IGFL2: variants seen among roughly 807,000 people sequenced by gnomAD.
The protein encoded by IGFL2 is IGF like family member 2.
In IGFL2, 7 loss-of-function variants were observed where a neutral mutation model predicts 13.9. That is an observed-to-expected ratio of 0.51 (90% CI 0.29 to 0.95). The LOEUF is 0.95. IGFL2 is among the 40% of genes least tolerant of loss of function. IGFL2 has a pLI of 0.08. For missense variants in IGFL2, 138 were observed against 147.8 expected (o/e 0.93, Z 0.34); for synonymous variants, 55 against 55.8 (o/e 0.99, Z 0.07).
the IGFL2 span, among the ~76,000 whole-genome samples, chr19:46,200,433 C>A: frequency 6.6e-6 from 1 of 151,516 alleles, no homozygotes. Flanking sequence ...GTTGGCCTGT[C>A]AAAGTGCTGG....
the IGFL2 span, among the ~76,000 whole-genome samples, chr19:46,201,889 C>T: frequency 2.1e-5 from 3 of 142,682 alleles, no homozygotes; most frequent in Non-Finnish European, 4.8e-5. Context: ...GCTCCAGCCA[C>T]CTCTCTAAGA....
the IGFL2 span, among the ~76,000 whole-genome samples, chr19:46,129,005 G>A: frequency 6.6e-6 from 1 of 152,094 alleles, no homozygotes; most frequent in African/African-American, 2.4e-5. Context: ...GCTATTTATT[G>A]CTGATTCAAT....
chr19:46,188,597 C>T, the IGFL2 span, among the ~76,000 whole-genome samples: 8 of 152,266 alleles, frequency 5.3e-5, no homozygotes, highest in African/African-American at 1.9e-4. Context: ...TTTGTGAACC[C>T]ATAGTGTTCC....
the IGFL2 span, among the ~76,000 whole-genome samples, chr19:46,198,760 C>T: frequency 2.6e-5 from 4 of 152,174 alleles, no homozygotes; most frequent in Non-Finnish European, 5.9e-5. Flanking sequence ...AGTGACACAG[C>T]TTCCTCATCA....
the IGFL2 span, among the ~76,000 whole-genome samples, chr19:46,175,110 A>G: frequency 6.6e-6 from 1 of 152,228 alleles, no homozygotes; most frequent in Non-Finnish European, 1.5e-5. Flanking sequence ...CTCCCAGAGA[A>G]GTAATATATT....
chr19:46,146,663 A>G (rs187988501), upstream of IGFL2, among the ~76,000 whole-genome samples: 167 of 152,308 alleles, frequency 1.1e-3, no homozygotes, highest in African/African-American at 3.8e-3. Flanking sequence ...TCCTAGATTT[A>G]CAGTATACCA....
chr19:46,137,137 A>T, the IGFL2 span: 3 of 1,608,962 alleles, frequency 1.9e-6, no homozygotes, highest in African/African-American at 4.0e-5. Context: ...TACAGGAATG[A>T]AATGGGGTCT....
intron 3 of IGFL2, 83 bp from the exon 4 acceptor site, chr19:46,160,987 T>G (rs1396818594): frequency 4.5e-6 from 7 of 1,540,290 alleles, no homozygotes; most frequent in Non-Finnish European, 6.2e-6. Flanking sequence ...GGCCCTGTAG[T>G]CTAATCTCTA....
rs1974105421 is a variant in IGFL2 at position 46,160,595 on chromosome 19, T to A, written c.74-19T>A. 14 of 1,613,896 alleles carry A rather than the reference T, an allele frequency of 8.7e-6. No homozygotes were observed. Among genetic ancestry groups the A allele is most frequent in the Non-Finnish European group, 1.2e-5 (14 of 1,179,794 alleles). On this transcript the variant is annotated intron_variant, in intron 2 of 3. Coordinates refer to ENST00000377693, the MANE Select transcript of IGFL2 (RefSeq NM_001135113.2). ...GTTATCCTTGAGCTCACACCAACAA[T>A]GTCTGTCCATCTGTCCAGCTCCCGC... is the stretch of plus-strand genomic sequence containing the variant.
At chr19:46,174,671 A>G in the IGFL2 span, among the ~76,000 whole-genome samples, 2 of 152,178 alleles carry the variant, frequency 1.3e-5, no homozygotes, top group African/African-American at 4.8e-5. Context: ...CACACTTGAT[A>G]TCCTCTGACA....
the IGFL2 span, among the ~76,000 whole-genome samples, chr19:46,103,260 C>CT: frequency 5.7e-4 from 86 of 150,618 alleles, no homozygotes; most frequent in South Asian, 4.7e-3. Context: ...ACAGAGTCCC[C>CT]TTTTTTTTTA....
At chr19:46,098,923 T>G in the IGFL2 span, among the ~76,000 whole-genome samples, 156 of 152,332 alleles carry the variant, frequency 1.0e-3, no homozygotes, top group African/African-American at 3.5e-3. Flanking sequence ...GTGTCGTTGG[T>G]CTTTGTACTT....
At chr19:46,208,889 A>G in the IGFL2 span, 2 of 152,096 alleles carry the variant, frequency 1.3e-5, no homozygotes, top group African/African-American at 2.4e-5. Flanking sequence ...TTTTTTTAGC[A>G]GTGTGAAAAT....
At chr19:46,202,475 A>G in the IGFL2 span, 1 of 152,270 alleles carries the variant, frequency 6.6e-6, no homozygotes, top group East Asian at 1.9e-4. Context: ...TGCCCATAGT[A>G]AAAAGGTAAG....
chr19:46,106,711 A>G, the IGFL2 span, among the ~76,000 whole-genome samples: 1 of 152,036 alleles, frequency 6.6e-6, no homozygotes, highest in Non-Finnish European at 1.5e-5. Context: ...AGTTGTAAGG[A>G]GAGTTTGTAG....
chr19:46,178,585 A>G, the IGFL2 span, among the ~76,000 whole-genome samples: 1 of 152,216 alleles, frequency 6.6e-6, no homozygotes, highest in Admixed American at 6.5e-5. Context: ...TTTATCATCT[A>G]TTCTCTCTGA....
chr19:46,155,248 A>G (rs1478301975), intron 1 of IGFL2, among the ~76,000 whole-genome samples: 4 of 152,226 alleles, frequency 2.6e-5, no homozygotes, highest in African/African-American at 9.6e-5. Context: ...ACATGGAGAC[A>G]GTAGGATAAA....
chr19:46,149,139 TCTCTCTCTCTCC>T (rs71175260), intron 1 of IGFL2: 356,439 of 755,522 alleles, frequency 0.47, 91,923 homozygotes, highest in Middle Eastern at 0.57. Flanking sequence ...TGGGCAACCA[TCTCTCTCTCTCC>T]CTCTCTCTCT....
At chr19:46,143,737 G>A (rs1972971834), upstream of IGFL2, among the ~76,000 whole-genome samples, 1 of 152,142 alleles carries the variant, frequency 6.6e-6, no homozygotes, top group Non-Finnish European at 1.5e-5. Context: ...AGGCACTATA[G>A]ATATTGTCTC....
Sources: allele counts gnomAD v4.1 joint callset (sites outside exome capture counted in the v4.1 genomes callset), GRCh38; gene constraint gnomAD v4.1.1; transcripts MANE v1.5; gene names NCBI Gene and HGNC (gene_info 2026-07-23, HGNC 2026-07-21).